PPP1R12B: variants seen among roughly 807,000 people sequenced by gnomAD.
The protein encoded by PPP1R12B is protein phosphatase 1 regulatory subunit 12B, also known as myosin phosphatase target subunit 2.
PPP1R12B carries 76 observed loss-of-function variants against 126.1 expected under a neutral mutation model. The ratio of observed to expected loss-of-function variants is 0.60; its 90% CI spans 0.50 to 0.73. The LOEUF is 0.73. Ranked by LOEUF, PPP1R12B falls within the 30% of genes least tolerant of loss-of-function variation. The pLI is 0.00. For missense variants in PPP1R12B, 1,052 were observed against 1,205.1 expected (o/e 0.87, Z 1.88); for synonymous variants, 356 against 434.7 (o/e 0.82, Z 2.25).
At chr1:202,556,624 T>C (rs1686974010) in intron 18 of PPP1R12B, among the ~76,000 whole-genome samples, 1 of 152,226 alleles carries the variant, frequency 6.6e-6, no homozygotes. Context: ...TTTTCTTAGT[T>C]GGAGCCAATG....
chr1:202,381,718 C>G (rs78006046), intron 1 of PPP1R12B, among the ~76,000 whole-genome samples: 2,692 of 152,260 alleles, frequency 0.018, 41 homozygotes, highest in Non-Finnish European at 0.026. Flanking sequence ...AATTCCAAAT[C>G]CTTCCTTTAT....
chr1:202,406,900 A>G (rs1316825298), intron 1 of PPP1R12B, among the ~76,000 whole-genome samples: 2 of 152,212 alleles, frequency 1.3e-5, no homozygotes, highest in Admixed American at 1.3e-4. Context: ...AAAGAAAGTC[A>G]TACTTGGGAT....
chr1:202,538,353 TAAGG>T (rs1399294259), intron 18 of PPP1R12B, among the ~76,000 whole-genome samples: 1 of 152,198 alleles, frequency 6.6e-6, no homozygotes, highest in East Asian at 1.9e-4. Flanking sequence ...TCAGTCTTCT[TAAGG>T]AAGATGGAAT....
At chr1:202,558,631 C>G in intron 18 of PPP1R12B, 1 of 432,970 alleles carries the variant, frequency 2.3e-6, no homozygotes, top group South Asian at 4.1e-5. Context: ...TAAAAAGGTG[C>G]TATCCCTAAT....
Position 202,355,533 on chromosome 1 carries a change from T to G in PPP1R12B, c.291+6391T>G, listed in dbSNP as rs185945913. 2.6e-5 allele frequency among the ~76,000 whole-genome samples: 4 copies of G among 152,290 alleles called. No individual in the cohort carries two copies. The East Asian group carries it at 7.7e-4, about 29-fold the overall frequency. On this transcript the variant is annotated intron_variant, in intron 1 of 23. Transcript: ENST00000608999. ...GGATGCTAGGAAATCCTAATGGATGTGTTTGAAGGGTTAGAGATGAGAGAG... is the reference window on the plus strand; with the variant it reads ...GGATGCTAGGAAATCCTAATGGATGGGTTTGAAGGGTTAGAGATGAGAGAG...
At chr1:202,531,594 A>G (rs1683954599) in intron 18 of PPP1R12B, among the ~76,000 whole-genome samples, 1 of 152,232 alleles carries the variant, frequency 6.6e-6, no homozygotes, top group Non-Finnish European at 1.5e-5. Context: ...TCTTATATTC[A>G]TAAATGGACT....
intron 1 of PPP1R12B, among the ~76,000 whole-genome samples, chr1:202,354,259 A>G (rs193020649): frequency 6.6e-6 from 1 of 152,274 alleles, no homozygotes; most frequent in East Asian, 1.9e-4. Context: ...GCTCCTTGGT[A>G]GACAGCTCCT....
intron 1 of PPP1R12B, among the ~76,000 whole-genome samples, chr1:202,372,349 C>T (rs1348527924): frequency 6.6e-6 from 1 of 151,384 alleles, no homozygotes; most frequent in Non-Finnish European, 1.5e-5. Flanking sequence ...AGAAAAAATA[C>T]AAAAATTAGC....
chr1:202,418,815 G>GA (rs1035906814), intron 2 of PPP1R12B, among the ~76,000 whole-genome samples: 37 of 149,520 alleles, frequency 2.5e-4, no homozygotes, highest in African/African-American at 4.7e-4. Flanking sequence ...ATATGCAATG[G>GA]AAAAAAAAAC....
chr1:202,446,256 A>ATATATTTTTTTTT (rs376183502), intron 12 of PPP1R12B, among the ~76,000 whole-genome samples: 1 of 54,340 alleles, frequency 1.8e-5, no homozygotes, highest in African/African-American at 7.1e-5. Flanking sequence ...ATATATATAT[A>ATATATTTTTTTTT]TTTTTTTTTT....
chr1:202,579,081 C>G (rs1295169068), intron 23 of PPP1R12B, among the ~76,000 whole-genome samples: 4 of 152,236 alleles, frequency 2.6e-5, no homozygotes, highest in Admixed American at 6.5e-5. Flanking sequence ...GGGAGACCCT[C>G]TAGCACAGTG....
chr1:202,432,611 CAGTG>C (rs1670327203), intron 8 of PPP1R12B, among the ~76,000 whole-genome samples: 1 of 152,120 alleles, frequency 6.6e-6, no homozygotes, highest in Non-Finnish European at 1.5e-5. Context: ...GGAACCCCAA[CAGTG>C]AGAGTGAGAT....
intron 1 of PPP1R12B, among the ~76,000 whole-genome samples, chr1:202,374,977 C>T (rs558768240): frequency 2.0e-4 from 31 of 152,252 alleles, no homozygotes; most frequent in Non-Finnish European, 3.7e-4. Flanking sequence ...GAGGCTCGTT[C>T]TGTCGCCCAG....
At chr1:202,476,388 T>C (rs1676673638) in intron 13 of PPP1R12B, among the ~76,000 whole-genome samples, 2 of 151,202 alleles carry the variant, frequency 1.3e-5, no homozygotes, top group Admixed American at 6.6e-5. Flanking sequence ...TATATAAATA[T>C]AGTAAATTTC....
Position 202,428,719 on chromosome 1 carries a change from A to T in PPP1R12B, c.847-136A>T. ...ATAGATGAAGGTGTTATCATAATGT[A>T]TGGTAGATTAGTTTGAAAAGCAGCT... On this transcript the variant is annotated intron_variant, in intron 5 of 23. Coordinates refer to ENST00000608999, the MANE Select transcript of PPP1R12B (RefSeq NM_002481.4). The T allele has an allele frequency of 4.4e-6, 3 of 686,578 alleles. No individual in the cohort carries two copies. In the East Asian group the frequency reaches 8.5e-5, roughly 19 times the overall value. The allele number at this position is 686,578 out of a possible 1,614,324, so 42.5% of individuals were successfully genotyped here. A position where few individuals can be genotyped will look rare whatever the true frequency, so the allele number is the denominator to read the frequency against.
intron 1 of PPP1R12B, among the ~76,000 whole-genome samples, chr1:202,374,144 C>G (rs1660754357): frequency 6.6e-6 from 1 of 152,122 alleles, no homozygotes; most frequent in South Asian, 2.1e-4. Flanking sequence ...ATATATCCAA[C>G]TGGATTCTCA....
At chr1:202,489,824 T>C (rs369409553) in intron 14 of PPP1R12B, among the ~76,000 whole-genome samples, 66 of 152,196 alleles carry the variant, frequency 4.3e-4, no homozygotes, top group African/African-American at 1.6e-3. Flanking sequence ...TTTCAAATGG[T>C]GAGGTTTATG....
chr1:202,466,750 C>T (rs554743030), intron 13 of PPP1R12B, among the ~76,000 whole-genome samples: 54 of 152,178 alleles, frequency 3.5e-4, no homozygotes, highest in African/African-American at 1.2e-3. Flanking sequence ...TTGTTATAGG[C>T]ATGTATTTCT....
At chr1:202,556,661 G>A (rs1176902183) in intron 18 of PPP1R12B, among the ~76,000 whole-genome samples, 7 of 152,120 alleles carry the variant, frequency 4.6e-5, no homozygotes, top group African/African-American at 1.2e-4. Flanking sequence ...TCCATAGCAC[G>A]TATTCTCATG....
Sources: allele counts gnomAD v4.1 joint callset (sites outside exome capture counted in the v4.1 genomes callset), GRCh38; gene constraint gnomAD v4.1.1; transcripts MANE v1.5; gene names NCBI Gene and HGNC (gene_info 2026-07-23, HGNC 2026-07-21).